PREX2: variants seen among roughly 807,000 people sequenced by gnomAD.
PREX2 encodes phosphatidylinositol 3,4,5-trisphosphate-dependent Rac exchanger 2 protein.
PREX2 carries 107 observed loss-of-function variants against 203.2 expected under a neutral mutation model. That is an observed-to-expected ratio of 0.53 (90% CI 0.45 to 0.62). The LOEUF is 0.62. Ranked by LOEUF, PREX2 falls within the 20% of genes least tolerant of loss-of-function variation. The pLI, the probability that PREX2 is intolerant of heterozygous loss-of-function variation, is 0.00. For synonymous variants in PREX2, 672 were observed against 663.6 expected (o/e 1.01, Z -0.19); for missense variants, 1,777 against 1,955.9 (o/e 0.91, Z 1.72).
chr8:68,119,321 T>TA, intron 27 of PREX2, 111 bp from the exon 28 acceptor site: 1 of 708,400 alleles, frequency 1.4e-6, no homozygotes, highest in South Asian at 1.7e-5. Context: ...GTGCATGGAA[T>TA]AACAGCTTGT....
At chr8:68,003,576 G>A (rs146854865) in intron 1 of PREX2, among the ~76,000 whole-genome samples, 71 of 152,262 alleles carry the variant, frequency 4.7e-4, no homozygotes, top group African/African-American at 1.7e-3. Flanking sequence ...TAATTAGGAT[G>A]AGAGGAAACG....
At chr8:68,225,048 G>A (rs1426608199) in intron 39 of PREX2, among the ~76,000 whole-genome samples, 1 of 152,002 alleles carries the variant, frequency 6.6e-6, no homozygotes, top group Non-Finnish European at 1.5e-5. Flanking sequence ...TTGGAGTCTT[G>A]CTTGAGTTTC....
intron 1 of PREX2, among the ~76,000 whole-genome samples, chr8:67,960,632 A>G (rs1393680834): frequency 6.6e-6 from 1 of 152,148 alleles, no homozygotes; most frequent in African/African-American, 2.4e-5. Flanking sequence ...GACAAGGGCC[A>G]CTTTAGGGGA....
intron 9 of PREX2, among the ~76,000 whole-genome samples, chr8:68,054,093 CTT>C (rs1320446038): frequency 1.3e-5 from 2 of 152,166 alleles, no homozygotes; most frequent in East Asian, 3.9e-4. Flanking sequence ...TTTCTTCCAT[CTT>C]CAGATGTTTT....
At chr8:68,163,140 A>G (rs1271023966) in intron 35 of PREX2, among the ~76,000 whole-genome samples, 1 of 152,212 alleles carries the variant, frequency 6.6e-6, no homozygotes, top group East Asian at 1.9e-4. Flanking sequence ...TATAGACAAC[A>G]TACAAAAAAA....
In PREX2 at chr8:68,055,977, A is replaced by G. The variant is rs1192950202; in HGVS notation, c.1238+3A>G. The G allele has an allele frequency of 6.2e-7, 1 of 1,605,344 alleles. No homozygotes were observed. The highest frequency in any genetic ancestry group is 8.5e-7 in the Non-Finnish European group (1 of 1,177,530). ...TTCCCTAAATGCTTTCTTGGAAGGT[A>G]GGGTTGGGAGTTTGGGTGCATGACT... is the stretch of plus-strand genomic sequence containing the variant. On this transcript the variant is annotated splice_donor_region_variant and intron_variant, in intron 10 of 39. Transcript: ENST00000288368.
chr8:68,027,496 T>G (rs770409244), intron 5 of PREX2, among the ~76,000 whole-genome samples, 173 bp downstream of exon 5: 2 of 152,086 alleles, frequency 1.3e-5, no homozygotes, highest in Non-Finnish European at 2.9e-5. Flanking sequence ...AGGAAACAGA[T>G]GTTCAGTGGA....
At chr8:67,962,806 C>T (rs1018588500) in intron 1 of PREX2, among the ~76,000 whole-genome samples, 19 of 151,968 alleles carry the variant, frequency 1.3e-4, no homozygotes, top group African/African-American at 4.3e-4. Context: ...TGGGGTTTCA[C>T]CACGTTGGCC....
chr8:68,075,100 A>G (rs1193019198), intron 14 of PREX2, among the ~76,000 whole-genome samples: 1 of 152,208 alleles, frequency 6.6e-6, no homozygotes, highest in Non-Finnish European at 1.5e-5. Flanking sequence ...TCATAATTAA[A>G]TAATGCCTTG....
intron 1 of PREX2, among the ~76,000 whole-genome samples, chr8:68,003,483 G>C (rs974661473): frequency 1.3e-5 from 2 of 152,102 alleles, no homozygotes; most frequent in Admixed American, 1.3e-4. Flanking sequence ...GCTGGGCCCT[G>C]GTAACACCTG....
chr8:68,021,838 G>A (rs1391006309), intron 3 of PREX2, among the ~76,000 whole-genome samples, 198 bp from the exon 4 acceptor site: 1 of 152,122 alleles, frequency 6.6e-6, no homozygotes, highest in Non-Finnish European at 1.5e-5. Flanking sequence ...GAGTATAACT[G>A]ATATACGTCT....
chr8:67,965,571 G>A (rs1805747481), intron 1 of PREX2, among the ~76,000 whole-genome samples: 1 of 152,026 alleles, frequency 6.6e-6, no homozygotes, highest in South Asian at 2.1e-4. Context: ...CAAAATGTGT[G>A]TATGTCTGCA....
At chr8:68,006,355 C>T (rs1307487719) in intron 1 of PREX2, among the ~76,000 whole-genome samples, 2 of 152,244 alleles carry the variant, frequency 1.3e-5, no homozygotes, top group African/African-American at 4.8e-5. Context: ...AGATTCTATC[C>T]TCAGTCTTGA....
At chr8:68,050,172 GAC>G (rs1304787291) in intron 8 of PREX2, among the ~76,000 whole-genome samples, 1 of 152,044 alleles carries the variant, frequency 6.6e-6, no homozygotes, top group Non-Finnish European at 1.5e-5. Context: ...AAAATTATTT[GAC>G]ACAAGCTGTT....
rs930198247 is a variant in PREX2, at chr8:68,231,732, A to G, written c.*354A>G. 1.2e-4 allele frequency: 25 copies of G among 207,830 alleles called. No homozygotes were observed. The East Asian group carries it at 2.0e-3, about 17-fold the overall frequency. The allele number at this position is 207,830 out of a possible 1,614,324, so 12.9% of individuals were successfully genotyped here. ...CTCTCCCATTCATTAAAATGGTTTT[A>G]TTATGCTTGTTTTCATCTTTCCCAA... On this transcript the variant is annotated 3_prime_UTR_variant, in exon 40 of 40. Coordinates refer to ENST00000288368, the MANE Select transcript of PREX2 (RefSeq NM_024870.4).
chr8:68,213,977 G>T (rs1048187223), intron 37 of PREX2, among the ~76,000 whole-genome samples: 3 of 152,170 alleles, frequency 2.0e-5, no homozygotes, highest in South Asian at 2.1e-4. Context: ...AAGTGATGTT[G>T]TAGTAGAAGG....
At chr8:68,096,633 T>TCC (rs1167301357) in intron 21 of PREX2, among the ~76,000 whole-genome samples, 2 of 152,334 alleles carry the variant, frequency 1.3e-5, no homozygotes, top group East Asian at 3.9e-4. Context: ...TGGATTTTTT[T>TCC]CCTGCTTTAA....
intron 14 of PREX2, among the ~76,000 whole-genome samples, chr8:68,073,746 G>A (rs1004061810): frequency 6.6e-6 from 1 of 151,978 alleles, no homozygotes; most frequent in Non-Finnish European, 1.5e-5. Flanking sequence ...TATTGGAGTT[G>A]GACTTTCACA....
intron 6 of PREX2, among the ~76,000 whole-genome samples, chr8:68,031,849 C>G (rs1807892938): frequency 6.6e-6 from 1 of 152,168 alleles, no homozygotes; most frequent in Non-Finnish European, 1.5e-5. Context: ...TGTTGTCACT[C>G]AAACACTGGA....
Sources: allele counts gnomAD v4.1 joint callset (sites outside exome capture counted in the v4.1 genomes callset), GRCh38; gene constraint gnomAD v4.1.1; transcripts MANE v1.5; gene names NCBI Gene and HGNC (gene_info 2026-07-23, HGNC 2026-07-21).